ADK: variants seen among roughly 807,000 people sequenced by gnomAD.
ADK encodes N6,N6-dimethyladenosine kinase.
Under a neutral mutation model 44.7 loss-of-function variants are expected in ADK, and 24 were observed. That is an observed-to-expected ratio of 0.54 (90% confidence interval 0.39 to 0.76). The LOEUF (loss-of-function observed/expected upper bound fraction) is 0.76. ADK is among the 30% of genes least tolerant of loss of function. ADK has a pLI of 0.00. For synonymous variants in ADK, 128 were observed against 142.6 expected (o/e 0.90, Z 0.73); for missense variants, 321 against 425.1 (o/e 0.76, Z 2.15).
At chr10:74,660,811 A>T (rs1229407297) in intron 9 of ADK, among the ~76,000 whole-genome samples, 3 of 150,634 alleles carry the variant, frequency 2.0e-5, no homozygotes, top group Non-Finnish European at 4.4e-5. Flanking sequence ...AGGCAGGTGG[A>T]TCATGAGGTC....
chr10:74,466,486 C>T (rs1251353436), intron 6 of ADK, among the ~76,000 whole-genome samples: 1 of 152,048 alleles, frequency 6.6e-6, no homozygotes, highest in Admixed American at 6.6e-5. Flanking sequence ...CTGAAAAGGC[C>T]TTGGCAAGAG....
At chr10:74,357,080 G>A (rs1283536191) in intron 4 of ADK, among the ~76,000 whole-genome samples, 2 of 152,182 alleles carry the variant, frequency 1.3e-5, no homozygotes, top group African/African-American at 4.8e-5. Flanking sequence ...GTATGCACTA[G>A]TAACATCCAT....
At chr10:74,363,478 G>T (rs190334924) in intron 4 of ADK, among the ~76,000 whole-genome samples, 2 of 152,064 alleles carry the variant, frequency 1.3e-5, no homozygotes, top group Non-Finnish European at 2.9e-5. Context: ...TCAGATGGGC[G>T]TATGTCTCCC....
intron 1 of ADK, among the ~76,000 whole-genome samples, chr10:74,166,003 A>G (rs921326329): frequency 6.6e-6 from 1 of 152,180 alleles, no homozygotes; most frequent in African/African-American, 2.4e-5. Context: ...GCTGGAGTGC[A>G]GTGGCCTCCT....
chr10:74,500,288 A>G (rs371355719), intron 6 of ADK, among the ~76,000 whole-genome samples: 11 of 151,850 alleles, frequency 7.2e-5, no homozygotes, highest in African/African-American at 2.7e-4. Flanking sequence ...TTTTTCCCCC[A>G]CTCCAGTCAA....
chr10:74,698,866 G>GTTT (rs1231804190), intron 10 of ADK, among the ~76,000 whole-genome samples: 1 of 150,368 alleles, frequency 6.7e-6, no homozygotes, highest in Non-Finnish European at 1.5e-5. Context: ...ACTTGTTTTT[G>GTTT]TTTTTTTGTT....
chr10:74,153,068 C>A (rs547223834), intron 1 of ADK, among the ~76,000 whole-genome samples: 1 of 152,080 alleles, frequency 6.6e-6, no homozygotes, highest in Non-Finnish European at 1.5e-5. Flanking sequence ...ACTTGCTTGA[C>A]AGGGGATTGC....
intron 10 of ADK, among the ~76,000 whole-genome samples, chr10:74,685,330 C>G (rs1855748454): frequency 6.6e-6 from 1 of 152,150 alleles, no homozygotes; most frequent in Admixed American, 6.6e-5. Flanking sequence ...GTCTAAATGA[C>G]TAATAAAAAT....
chr10:74,483,172 G>A (rs1348763459), intron 6 of ADK, among the ~76,000 whole-genome samples: 2 of 152,146 alleles, frequency 1.3e-5, no homozygotes, highest in Non-Finnish European at 2.9e-5. Flanking sequence ...CGAAATCTAG[G>A]CAGAGGCTCC....
intron 3 of ADK, among the ~76,000 whole-genome samples, chr10:74,267,754 TTGTGTGTGTGTGTGTGTG>T (rs372502769): frequency 1.5e-5 from 2 of 132,732 alleles, no homozygotes; most frequent in Non-Finnish European, 3.2e-5. Flanking sequence ...ATATCCTTAT[TTGTGTGTGTGTGTGTGTG>T]TGTGTGTGTG....
chr10:74,579,525 C>T (rs1260538891), intron 7 of ADK, among the ~76,000 whole-genome samples: 5 of 152,056 alleles, frequency 3.3e-5, no homozygotes, highest in Non-Finnish European at 5.9e-5. Context: ...CAATACTGGG[C>T]AGTGATCCCT....
At chr10:74,534,207 A>G (rs1849379198) in intron 7 of ADK, among the ~76,000 whole-genome samples, 1 of 152,216 alleles carries the variant, frequency 6.6e-6, no homozygotes, top group Admixed American at 6.5e-5. Flanking sequence ...GCAGTACTTT[A>G]TACATACGTC....
intron 7 of ADK, among the ~76,000 whole-genome samples, chr10:74,555,778 A>C (rs148931550): frequency 6.6e-6 from 1 of 152,336 alleles, no homozygotes; most frequent in East Asian, 1.9e-4. Flanking sequence ...CTGGACAGAA[A>C]GCACCTAGAA....
At chr10:74,337,848 C>G (rs535013724) in intron 4 of ADK, among the ~76,000 whole-genome samples, 20 of 151,766 alleles carry the variant, frequency 1.3e-4, no homozygotes, top group Non-Finnish European at 2.6e-4. Flanking sequence ...CCGCAGCCTC[C>G]GCCTCCCGGG....
intron 4 of ADK, among the ~76,000 whole-genome samples, chr10:74,321,695 C>A (rs540713901): frequency 1.3e-5 from 2 of 152,184 alleles, no homozygotes; most frequent in East Asian, 3.9e-4. Context: ...AAAATTTTAA[C>A]CATGTTGTTT....
chr10:74,612,133 A>G (rs1852574368), intron 9 of ADK, among the ~76,000 whole-genome samples: 1 of 151,970 alleles, frequency 6.6e-6, no homozygotes, highest in African/African-American at 2.4e-5. Flanking sequence ...GCCAATGTGT[A>G]ATTTTTTTAC....
At chr10:74,660,045 C>A (rs1222733177) in intron 9 of ADK, among the ~76,000 whole-genome samples, 1 of 152,196 alleles carries the variant, frequency 6.6e-6, no homozygotes, top group Non-Finnish European at 1.5e-5. Flanking sequence ...TTATTATGTG[C>A]CAACTTTTCC....
chr10:74,695,968 GTC>G, intron 10 of ADK, among the ~76,000 whole-genome samples: 1 of 151,214 alleles, frequency 6.6e-6, no homozygotes, highest in African/African-American at 2.4e-5. Context: ...ATTTTTTTTA[GTC>G]TTGTTACTCT....
intron 3 of ADK, among the ~76,000 whole-genome samples, chr10:74,303,866 G>A (rs1353000967): frequency 1.3e-5 from 2 of 151,658 alleles, no homozygotes; most frequent in African/African-American, 4.8e-5. Flanking sequence ...CTATTAGGGA[G>A]GCTGAGGCAG....
Sources: gnomAD v4.1 joint callset for allele counts (sites outside exome capture counted in the v4.1 genomes callset) on GRCh38, gnomAD v4.1.1 for gene constraint, MANE v1.5 for transcripts, NCBI Gene and HGNC (gene_info 2026-07-23, HGNC 2026-07-21) for gene names.